The following SORL1 variants were observed in gnomAD, a reference collection of about 807,000 sequenced individuals.
The protein encoded by SORL1 is sortilin related receptor 1, also known as sortilin-related receptor.
Under a neutral mutation model 273.7 loss-of-function variants are expected in SORL1, and 127 were observed. The observed-to-expected ratio is 0.46, with a 90% confidence interval of 0.40 to 0.54. The LOEUF is 0.54. Among genes scored for constraint, SORL1 ranks in the 20% least tolerant of loss-of-function variants. SORL1 has a pLI of 0.00. For missense variants in SORL1, 2,494 were observed against 2,846.1 expected (o/e 0.88, Z 2.81); for synonymous variants, 1,031 against 1,067.4 (o/e 0.97, Z 0.66).
At chr11:121,516,892 A>C (rs1236531929) in intron 8 of SORL1, among the ~76,000 whole-genome samples, 5 of 152,100 alleles carry the variant, frequency 3.3e-5, no homozygotes, top group Non-Finnish European at 7.4e-5. Flanking sequence ...TCTCTACTAA[A>C]AATACAAAAA....
chr11:121,467,369 C>T (rs1165893157), intron 1 of SORL1, among the ~76,000 whole-genome samples: 1 of 152,118 alleles, frequency 6.6e-6, no homozygotes, highest in Non-Finnish European at 1.5e-5. Context: ...TCGATTTCAG[C>T]AAGTTATCTT....
chr11:121,540,873 C>T (rs1045183284), intron 12 of SORL1, among the ~76,000 whole-genome samples: 35 of 152,224 alleles, frequency 2.3e-4, no homozygotes, highest in African/African-American at 1.2e-4. Flanking sequence ...AACTTGGCAA[C>T]GTACACATAG....
At chr11:121,497,468 G>A (rs1006363118) in intron 6 of SORL1, among the ~76,000 whole-genome samples, 1 of 152,180 alleles carries the variant, frequency 6.6e-6, no homozygotes, top group Non-Finnish European at 1.5e-5. Context: ...TTCAACACAT[G>A]TCAATTTACA....
chr11:121,561,046 C>T (rs552843360), intron 21 of SORL1, among the ~76,000 whole-genome samples: 2 of 152,330 alleles, frequency 1.3e-5, no homozygotes, highest in African/African-American at 4.8e-5. Context: ...GGAGGACATC[C>T]ACCCCTACTG....
At chr11:121,559,432 C>T in intron 20 of SORL1, 87 bp from the exon 21 acceptor site, 3 of 1,381,606 alleles carry the variant, frequency 2.2e-6, no homozygotes, top group East Asian at 2.3e-5. Context: ...TGTTAGTTGT[C>T]TCCTGCCTGG....
Position 121,541,232 on chromosome 11 carries a change from C to T in SORL1, c.1686-2316C>T, listed in dbSNP as rs533417902. 3.6e-4 allele frequency among the ~76,000 whole-genome samples: 54 copies of T among 149,942 alleles called. No individual in the cohort carries two copies. The South Asian group carries it at 0.011, about 30-fold the overall frequency. On this transcript the variant is annotated intron_variant, in intron 12 of 47. Coordinates refer to ENST00000260197, the MANE Select transcript of SORL1 (RefSeq NM_003105.6). ...TTTTTTTTTTTTTAAGGCAGGGTCT[C>T]GCTCTGTCATCCAGGTGGGACTGCA... is the stretch of plus-strand genomic sequence containing the variant.
intron 2 of SORL1, among the ~76,000 whole-genome samples, chr11:121,471,627 C>T (rs906771972): frequency 1.3e-5 from 2 of 152,230 alleles, no homozygotes; most frequent in African/African-American, 4.8e-5. Context: ...CTTAAGGATA[C>T]ATTTATAATT....
intron 8 of SORL1, among the ~76,000 whole-genome samples, chr11:121,517,543 T>G (rs1861974088): frequency 6.6e-6 from 1 of 152,198 alleles, no homozygotes; most frequent in Admixed American, 6.5e-5. Flanking sequence ...CCCCTGGCTG[T>G]GGAATGGAAA....
intron 27 of SORL1, among the ~76,000 whole-genome samples, chr11:121,586,693 T>TGGGGGGGGGG (rs376563096): frequency 4.1e-5 from 4 of 97,160 alleles, no homozygotes; most frequent in Non-Finnish European, 8.2e-5. Context: ...GGGGGTAGAG[T>TGGGGGGGGGG]GGGGGGGGGG....
chr11:121,611,248 CAAAA>C (rs1253078390), intron 39 of SORL1, 90 bp downstream of exon 39: 2 of 752,282 alleles, frequency 2.7e-6, no homozygotes, highest in African/African-American at 3.7e-5. Flanking sequence ...TGGAAAAAAA[CAAAA>C]AACAAAAAAC....
intron 23 of SORL1, 135 bp from the exon 24 acceptor site, chr11:121,574,106 G>A (rs1862888363): frequency 1.2e-6 from 1 of 827,120 alleles, no homozygotes; most frequent in Non-Finnish European, 1.9e-6. Flanking sequence ...TCTTCTGTAA[G>A]TCTAGGTTTA....
chr11:121,576,334 G>T (rs1463015365), intron 24 of SORL1, among the ~76,000 whole-genome samples: 2 of 152,214 alleles, frequency 1.3e-5, no homozygotes, highest in Non-Finnish European at 2.9e-5. Flanking sequence ...TGGAAGGACT[G>T]CAGGGAAATG....
At chr11:121,598,542 C>T (rs1316311301) in intron 32 of SORL1, among the ~76,000 whole-genome samples, 6 of 152,132 alleles carry the variant, frequency 3.9e-5, no homozygotes, top group East Asian at 1.9e-4. Context: ...GGTCAGAAAC[C>T]GGGGCATTCT....
At chr11:121,466,554 C>G (rs1861085064) in intron 1 of SORL1, among the ~76,000 whole-genome samples, 1 of 152,090 alleles carries the variant, frequency 6.6e-6, no homozygotes, top group Non-Finnish European at 1.5e-5. Context: ...TTTCTTTCCC[C>G]TGGGGGTGAG....
chr11:121,541,984 C>T (rs1366819283), intron 12 of SORL1, among the ~76,000 whole-genome samples: 2 of 152,112 alleles, frequency 1.3e-5, no homozygotes, highest in East Asian at 1.9e-4. Context: ...TTGGAAAAAC[C>T]GTATAACGAA....
intron 3 of SORL1, among the ~76,000 whole-genome samples, chr11:121,485,378 T>C (rs1466730099): frequency 1.3e-5 from 2 of 152,212 alleles, no homozygotes; most frequent in African/African-American, 4.8e-5. Context: ...CAGTCAGATA[T>C]TGACGTCAAT....
chr11:121,453,182 A>G (rs1427090886), intron 1 of SORL1, among the ~76,000 whole-genome samples: 1 of 152,144 alleles, frequency 6.6e-6, no homozygotes, highest in Non-Finnish European at 1.5e-5. Context: ...GATGCTCTCC[A>G]TTCCTTCTTC....
At chr11:121,461,418 C>T (rs531294904) in intron 1 of SORL1, among the ~76,000 whole-genome samples, 80 of 152,270 alleles carry the variant, frequency 5.3e-4, no homozygotes, top group African/African-American at 1.6e-3. Context: ...GTGGGACGTC[C>T]GCCTGTTGCC....
At chr11:121,580,604 C>CTTT (rs11404598) in intron 25 of SORL1, among the ~76,000 whole-genome samples, 4 of 115,490 alleles carry the variant, frequency 3.5e-5, no homozygotes, top group South Asian at 2.8e-4. Flanking sequence ...CATGCACTTA[C>CTTT]TTTTTTTTTT....
Sources: allele counts gnomAD v4.1 joint callset (sites outside exome capture counted in the v4.1 genomes callset), GRCh38; gene constraint gnomAD v4.1.1; transcripts MANE v1.5; gene names NCBI Gene and HGNC (gene_info 2026-07-23, HGNC 2026-07-21).